ANKH: variants seen among roughly 807,000 people sequenced by gnomAD.
The protein encoded by ANKH is mineralization regulator ANKH.
A neutral mutation model predicts 49.0 loss-of-function variants in ANKH; 15 were observed. The observed-to-expected ratio is 0.31, with a 90% CI of 0.20 to 0.47. The LOEUF is 0.47. Ranked by LOEUF, ANKH falls within the 20% of genes least tolerant of loss-of-function variation. ANKH has a pLI of 1.00. For synonymous variants in ANKH, 273 were observed against 260.0 expected, an observed-to-expected ratio of 1.05 and a Z score of -0.48; for missense variants, 429 against 652.0, an observed-to-expected ratio of 0.66 and a Z score of 3.72.
intron 1 of ANKH, 138 bp from the exon 2 acceptor site, chr5:14,769,329 G>A: frequency 1.4e-6 from 1 of 735,402 alleles, no homozygotes; most frequent in Admixed American, 2.2e-5. Flanking sequence ...TCATGTAATT[G>A]GATAAAGGTG....
intron 8 of ANKH, among the ~76,000 whole-genome samples, chr5:14,733,184 G>A (rs1198645976): frequency 6.6e-6 from 1 of 152,204 alleles, no homozygotes; most frequent in Non-Finnish European, 1.5e-5. Context: ...CAGGTTTCGA[G>A]GCACTGTTGT....
intron 1 of ANKH, among the ~76,000 whole-genome samples, chr5:14,787,099 A>T (rs1280957237): frequency 6.6e-6 from 1 of 152,132 alleles, no homozygotes; most frequent in Non-Finnish European, 1.5e-5. Context: ...GGATCACCTG[A>T]GGTCAGGAGT....
At chr5:14,803,669 T>C (rs571358153) in intron 1 of ANKH, among the ~76,000 whole-genome samples, 1 of 152,316 alleles carries the variant, frequency 6.6e-6, no homozygotes, top group East Asian at 1.9e-4. Context: ...TTGATCTTAG[T>C]AAAATCAAGG....
At chr5:14,779,236 A>T (rs974808335) in intron 1 of ANKH, among the ~76,000 whole-genome samples, 1 of 152,020 alleles carries the variant, frequency 6.6e-6, no homozygotes, top group African/African-American at 2.4e-5. Flanking sequence ...CCATTTCAGG[A>T]GCCCTGTTCA....
chr5:14,810,368 A>G (rs1740842919), intron 1 of ANKH, among the ~76,000 whole-genome samples: 1 of 152,140 alleles, frequency 6.6e-6, no homozygotes, highest in African/African-American at 2.4e-5. Context: ...CATGTTGGGC[A>G]GGATGGTCTC....
chr5:14,818,938 A>T (rs545465148), intron 1 of ANKH, among the ~76,000 whole-genome samples: 2 of 152,330 alleles, frequency 1.3e-5, no homozygotes, highest in Admixed American at 6.5e-5. Flanking sequence ...ACTTTTGAAA[A>T]AAGCTAATTT....
chr5:14,817,778 A>G (rs1057085085), intron 1 of ANKH, among the ~76,000 whole-genome samples: 1 of 152,230 alleles, frequency 6.6e-6, no homozygotes, highest in Non-Finnish European at 1.5e-5. Flanking sequence ...TTCACTGTAA[A>G]GAATAAAGGG....
At chr5:14,783,330 A>ACC (rs1739869953) in intron 1 of ANKH, among the ~76,000 whole-genome samples, 1 of 142,500 alleles carries the variant, frequency 7.0e-6, no homozygotes, top group African/African-American at 2.6e-5. Flanking sequence ...ACACACACAC[A>ACC]CCACACATGG....
At chr5:14,765,862 G>T (rs916115368) in intron 2 of ANKH, among the ~76,000 whole-genome samples, 2 of 152,124 alleles carry the variant, frequency 1.3e-5, no homozygotes, top group Non-Finnish European at 2.9e-5. Flanking sequence ...TTTCAGAGCT[G>T]GCAATGTCCA....
intron 1 of ANKH, among the ~76,000 whole-genome samples, chr5:14,803,940 G>A (rs1373684382): frequency 1.3e-5 from 2 of 152,128 alleles, no homozygotes; most frequent in East Asian, 3.9e-4. Flanking sequence ...TTGTTGCCCA[G>A]GCTGGAGTGC....
In ANKH at chr5:14,713,742, A is replaced by G. The variant is rs973276415; in HGVS notation, c.1142-75T>C. 128 of 1,604,354 alleles carry G rather than the reference A, an allele frequency of 8.0e-5. No homozygotes were observed. Among genetic ancestry groups the G allele is most frequent in the Non-Finnish European group, 1.1e-4 (125 of 1,174,524 alleles). On this transcript the variant is annotated intron_variant, in intron 9 of 11. Transcript: ENST00000284268. This position sits in a 1 kb window ranked among gnomAD's most constrained non-coding sequence, Gnocchi z 4.4. Reference sequence around the variant, plus strand: ...CATCCTGCTGCCTCTGGACCAGGGCAGCACATCCGAGAGCCAGGGGCTGCC... The same window carrying G: ...CATCCTGCTGCCTCTGGACCAGGGCGGCACATCCGAGAGCCAGGGGCTGCC...
rs150336563 is a variant in ANKH at position 14,778,178 on chromosome 5, A to G, written c.97-8987T>C. 3.2e-3 allele frequency among the ~76,000 whole-genome samples: 486 copies of G among 152,304 alleles called. 1 individual carries two copies. Among genetic ancestry groups the G allele is most frequent in the African/African-American group, 0.011 (464 of 41,560 alleles). On this transcript the variant is annotated intron_variant, in intron 1 of 11. Coordinates refer to ENST00000284268, the MANE Select transcript of ANKH (RefSeq NM_054027.6). Reference sequence around the variant, plus strand: ...GGCCTGGGGTCATCCTGATCCTCGCAGTCCTGGAGGTAGCTGTGCATTCTT... The same window carrying G: ...GGCCTGGGGTCATCCTGATCCTCGCGGTCCTGGAGGTAGCTGTGCATTCTT...
chr5:14,844,689 A>G (rs865441), intron 1 of ANKH, among the ~76,000 whole-genome samples: 152,340 of 152,374 alleles, frequency 1, 76,153 homozygotes, highest in Middle Eastern at 1. Flanking sequence ...GTCTGTGACT[A>G]TCTGCTCTGC....
In ANKH at chr5:14,747,822, G is replaced by A. The variant is rs374392826; in HGVS notation, c.822+1350C>T. On this transcript the variant is annotated intron_variant, in intron 6 of 11. Coordinates refer to ENST00000284268, the MANE Select transcript of ANKH (RefSeq NM_054027.6). ...TAGAACAAAAAGGAGCATTGGGATC[G>A]GGCGGACCTGGATCCAAACCTTCAC... 1.2e-4 allele frequency among the ~76,000 whole-genome samples: 18 copies of A among 152,260 alleles called. No individual in the cohort carries two copies. In the South Asian group the frequency reaches 1.5e-3, roughly 12 times the overall value.
intron 1 of ANKH, among the ~76,000 whole-genome samples, chr5:14,842,352 T>C (rs149126770): frequency 1.3e-5 from 2 of 152,312 alleles, no homozygotes; most frequent in Non-Finnish European, 2.9e-5. Context: ...CTGGCATACC[T>C]GACGGTCAAG....
At chr5:14,736,980 A>C (rs377719486) in intron 8 of ANKH, among the ~76,000 whole-genome samples, 18 of 152,378 alleles carry the variant, frequency 1.2e-4, no homozygotes, top group African/African-American at 4.3e-4. Flanking sequence ...TTGAGAAGAT[A>C]AACAGCAGAT....
At chr5:14,733,147 ACTGT>A (rs1378507056) in intron 8 of ANKH, among the ~76,000 whole-genome samples, 8 of 152,244 alleles carry the variant, frequency 5.3e-5, no homozygotes, top group East Asian at 1.9e-4. Context: ...GCCACTGAAA[ACTGT>A]CTGGCACCGG....
In ANKH at chr5:14,716,784, C is replaced by T. The variant is rs1248123708; in HGVS notation, c.1063G>A (p.Asp355Asn). 2 of 1,614,142 alleles carry T rather than the reference C, an allele frequency of 1.2e-6. No individual in the cohort carries two copies. Among genetic ancestry groups the T allele is most frequent in the South Asian group, 1.1e-5 (1 of 91,086 alleles). ...TPNVSEKILI[D>N]IIGVDFAFAE... is the part of the protein sequence containing the mutation. ...AAGGCAAAGTCCACTCCGATGATGT[C>T]TATCAAGATTTTCTCAGACACGTTG... Residue 355 changes from aspartate to asparagine, a missense_variant, in exon 9 of 12, where the codon GAC (aspartate) becomes AAC (asparagine). Asp to Asn is a conservative substitution (Grantham distance 23). Coordinates refer to ENST00000284268, the MANE Select transcript of ANKH (RefSeq NM_054027.6).
Position 14,711,013 on chromosome 5 carries a change from C to A in ANKH, c.*184G>T, listed in dbSNP as rs945401515. 7 of 641,934 alleles carry A rather than the reference C, an allele frequency of 1.1e-5. No individual in the cohort carries two copies. The highest frequency in any genetic ancestry group is 3.6e-5 in the African/African-American group (2 of 55,608). 39.8% of individuals were successfully genotyped at this position (641,934 alleles called of 1,614,324 possible). A position where few individuals can be genotyped will look rare whatever the true frequency, so the allele number is the denominator to read the frequency against. ...CAACAGTAAAGACCATTCACTAGGT[C>A]CCCCCGTCAGTGTGAGCATACCCAG... On this transcript the variant is annotated 3_prime_UTR_variant, in exon 12 of 12. Coordinates refer to ENST00000284268, the MANE Select transcript of ANKH (RefSeq NM_054027.6).
Sources: gnomAD v4.1 joint callset for allele counts (sites outside exome capture counted in the v4.1 genomes callset) on GRCh38, gnomAD v4.1.1 for gene constraint, Gnocchi (gnomAD v3.1) non-coding constraint, MANE v1.5 for transcripts, NCBI Gene and HGNC (gene_info 2026-07-23, HGNC 2026-07-21) for gene names.